Variants in HECW1 observed in about 807,000 individuals in gnomAD.
The protein encoded by HECW1 is HECT, C2 and WW domain containing E3 ubiquitin protein ligase 1.
HECW1 carries 61 observed loss-of-function variants against 182.3 expected under a neutral mutation model. The ratio of observed to expected loss-of-function variants is 0.33; its 90% CI spans 0.27 to 0.41. The LOEUF (loss-of-function observed/expected upper bound fraction) is 0.41, where lower values mean the gene tolerates loss of function less well. Among genes scored for constraint, HECW1 ranks in the 10% least tolerant of loss-of-function variants. HECW1 has a pLI of 1.00. For missense variants in HECW1, 1,739 were observed against 2,108.9 expected (o/e 0.82, Z 3.44); for synonymous variants, 859 against 832.6 (o/e 1.03, Z -0.55).
chr7:43,223,641 G>A (rs1464244837), intron 2 of HECW1, among the ~76,000 whole-genome samples: 2 of 151,962 alleles, frequency 1.3e-5, no homozygotes, highest in Non-Finnish European at 2.9e-5. Context: ...AATATGCCAA[G>A]TTGTGTCACT....
intron 24 of HECW1, chr7:43,511,258 T>G (rs1182439655): frequency 6.6e-6 from 1 of 152,216 alleles, no homozygotes; most frequent in African/African-American, 2.4e-5. Context: ...GGAGAGTATT[T>G]GTGGTGCATC....
intron 6 of HECW1, among the ~76,000 whole-genome samples, chr7:43,388,510 C>G (rs1398907210): frequency 1.3e-5 from 2 of 152,188 alleles, no homozygotes; most frequent in East Asian, 3.8e-4. Flanking sequence ...TAATGATTAT[C>G]AAACGTGAAG....
intron 24 of HECW1, among the ~76,000 whole-genome samples, chr7:43,514,939 C>CA (rs1308263848): frequency 2.0e-5 from 3 of 152,186 alleles, no homozygotes. Context: ...ACCCAGGTAT[C>CA]ATGGCTCTAT....
intron 24 of HECW1, among the ~76,000 whole-genome samples, chr7:43,531,857 A>G (rs2081005299): frequency 6.6e-6 from 1 of 152,208 alleles, no homozygotes. Context: ...CGAATGCTGC[A>G]TCAATTAACA....
chr7:43,505,435 G>A (rs1585117488), intron 21 of HECW1, among the ~76,000 whole-genome samples: 1 of 152,198 alleles, frequency 6.6e-6, no homozygotes, highest in African/African-American at 2.4e-5. Flanking sequence ...GAAGATGAAT[G>A]TTTTTATGAT....
intron 2 of HECW1, among the ~76,000 whole-genome samples, chr7:43,212,364 T>A (rs112166092): frequency 4.6e-5 from 7 of 152,368 alleles, no homozygotes; most frequent in African/African-American, 1.7e-4. Context: ...CCTGCTATTA[T>A]TACTAAACAA....
At chr7:43,465,270 C>T (rs943637088) in intron 14 of HECW1, among the ~76,000 whole-genome samples, 1 of 152,210 alleles carries the variant, frequency 6.6e-6, no homozygotes, top group Admixed American at 6.5e-5. Flanking sequence ...AAACTCACAG[C>T]CATGCATCTA....
At chr7:43,438,699 T>C (rs1296075075) in intron 9 of HECW1, 1 of 152,244 alleles carries the variant, frequency 6.6e-6, no homozygotes, top group Non-Finnish European at 1.5e-5. Context: ...AGAATGGGTT[T>C]CTGTTTTGTC....
In HECW1 at chr7:43,181,034, A is replaced by G. The variant is rs573159864; in HGVS notation, c.-31-62841A>G. On this transcript the variant is annotated intron_variant, in intron 2 of 29. Transcript: ENST00000395891. ...ACCTCCTCAGCCTGTGATAACCACT[A>G]TTCTACTCTCTTCTTCTATGAGATC... Among the ~76,000 whole-genome samples the G allele has an allele frequency of 9.9e-5, 15 of 151,914 alleles. No homozygotes were observed. In the South Asian group the frequency reaches 2.7e-3, roughly 27 times the overall value.
At chr7:43,317,604 A>G (rs369230845) in intron 4 of HECW1, among the ~76,000 whole-genome samples, 4 of 152,296 alleles carry the variant, frequency 2.6e-5, no homozygotes, top group South Asian at 4.1e-4. Context: ...AACTTTTCTA[A>G]CAACTGGTAA....
At chr7:43,504,685 C>G (rs2079506871) in intron 21 of HECW1, among the ~76,000 whole-genome samples, 1 of 152,208 alleles carries the variant, frequency 6.6e-6, no homozygotes, top group African/African-American at 2.4e-5. Flanking sequence ...AAGGAAAATT[C>G]TAGCACATTT....
At position 43,562,093 on chromosome 7, in the gene HECW1, T is replaced by G. The variant is rs924575238; in HGVS notation, c.*167T>G. The G allele has an allele frequency of 6.8e-6, 4 of 585,842 alleles. No individual in the cohort carries two copies. The highest frequency in any genetic ancestry group is 1.2e-5 in the Non-Finnish European group (4 of 323,894). The allele number at this position is 585,842 out of a possible 1,614,324, so 36.3% of individuals were successfully genotyped here. A position where few individuals can be genotyped will look rare whatever the true frequency, so the allele number is the denominator to read the frequency against. On this transcript the variant is annotated 3_prime_UTR_variant, in exon 30 of 30. Coordinates refer to ENST00000395891, the MANE Select transcript of HECW1 (RefSeq NM_015052.5). ...AAAAGCTGTGCATGAAGAACTGCCT[T>G]CTTCTAAGATCTAACCTTCAGGCTT...
chr7:43,466,099 A>G (rs770426640), intron 14 of HECW1, among the ~76,000 whole-genome samples: 5 of 149,258 alleles, frequency 3.3e-5, no homozygotes, highest in Non-Finnish European at 7.4e-5. Context: ...AAAGAGAAAG[A>G]AGGAAAGAAA....
rs11455925 is a variant in HECW1, at chr7:43,159,184, C to CTTT, written c.-32+44800_-32+44802dup. On this transcript the variant is annotated intron_variant, in intron 2 of 29. Coordinates refer to ENST00000395891, the MANE Select transcript of HECW1 (RefSeq NM_015052.5). Reference sequence around the variant, plus strand: ...CAATTTTTTTACCTTTGTTCATTTTCTTTTTTTTTATTATTATACTTTAAG... The same window carrying CTTT: ...CAATTTTTTTACCTTTGTTCATTTTCTTTTTTTTTTTTATTATTATACTTTAAG... Among the ~76,000 whole-genome samples, 7 of 149,558 alleles carry CTTT rather than the reference C, an allele frequency of 4.7e-5. No individual in the cohort carries two copies. In the East Asian group the frequency reaches 9.8e-4, roughly 21 times the overall value.
At chr7:43,487,799 C>T (rs1027287109) in intron 17 of HECW1, among the ~76,000 whole-genome samples, 1 of 151,688 alleles carries the variant, frequency 6.6e-6, no homozygotes, top group African/African-American at 2.4e-5. Context: ...TCTACAAAAA[C>T]ATTTTTAAAA....
intron 7 of HECW1, among the ~76,000 whole-genome samples, chr7:43,399,807 A>G (rs2075346529): frequency 6.6e-6 from 1 of 152,240 alleles, no homozygotes; most frequent in African/African-American, 2.4e-5. Context: ...GACTAGGAAT[A>G]TAAAGTTAGT....
At chr7:43,363,952 G>A (rs67732910) in intron 6 of HECW1, among the ~76,000 whole-genome samples, 3 of 152,020 alleles carry the variant, frequency 2.0e-5, no homozygotes, top group Admixed American at 6.5e-5. Flanking sequence ...TTGCAGTCTC[G>A]TCTGGGGACT....
Position 43,443,161 on chromosome 7 carries a change from C to T in HECW1, c.1045+532C>T, listed in dbSNP as rs141465963. ...TAATGCTAAAACAGATTTCAAAATACGAATGATAAGATGCCTCATAATTTT... is the reference window on the plus strand; with the variant it reads ...TAATGCTAAAACAGATTTCAAAATATGAATGATAAGATGCCTCATAATTTT... On this transcript the variant is annotated intron_variant, in intron 10 of 29. Transcript: ENST00000395891. Among the ~76,000 whole-genome samples the T allele has an allele frequency of 4.5e-3, 685 of 152,314 alleles. 2 individuals are homozygous for T. The highest frequency in any genetic ancestry group is 0.016 in the African/African-American group (660 of 41,574).
intron 13 of HECW1, among the ~76,000 whole-genome samples, chr7:43,458,487 G>A (rs2077476194): frequency 6.6e-6 from 1 of 152,202 alleles, no homozygotes; most frequent in Admixed American, 6.5e-5. Context: ...CAGTGGAGAT[G>A]AACATGCTGG....
Sources: gnomAD v4.1 joint callset for allele counts (sites outside exome capture counted in the v4.1 genomes callset) on GRCh38, gnomAD v4.1.1 for gene constraint, MANE v1.5 for transcripts, NCBI Gene and HGNC (gene_info 2026-07-23, HGNC 2026-07-21) for gene names.